Variants in CSTPP1 observed in about 807,000 individuals in gnomAD.
CSTPP1 encodes UPF0705 protein C11orf49.
chr11:47,134,309 T>C, the CSTPP1 span, among the ~76,000 whole-genome samples: 2 of 152,160 alleles, frequency 1.3e-5, no homozygotes, highest in African/African-American at 4.8e-5. Context: ...GAGATTCTCC[T>C]GCCCCCCAAG....
chr11:46,998,327 C>CT, the CSTPP1 span, among the ~76,000 whole-genome samples: 3 of 152,262 alleles, frequency 2.0e-5, no homozygotes, highest in East Asian at 5.8e-4. Flanking sequence ...AACAGTAAGG[C>CT]TGACTGTAGG....
the CSTPP1 span, among the ~76,000 whole-genome samples, chr11:47,095,978 C>G: frequency 6.6e-6 from 1 of 152,108 alleles, no homozygotes; most frequent in East Asian, 1.9e-4. Context: ...TACCCTATCT[C>G]CTGTTACAGA....
chr11:47,111,363 G>C, the CSTPP1 span, among the ~76,000 whole-genome samples: 1 of 152,142 alleles, frequency 6.6e-6, no homozygotes, highest in Non-Finnish European at 1.5e-5. Flanking sequence ...TCCCCGCTAC[G>C]AGTGCATTCA....
chr11:47,152,337 GC>G, the CSTPP1 span, among the ~76,000 whole-genome samples: 45 of 152,172 alleles, frequency 3.0e-4, no homozygotes, highest in Middle Eastern at 3.4e-3. Context: ...CACGGTGTGC[GC>G]CCCCTCTTCT....
the CSTPP1 span, among the ~76,000 whole-genome samples, chr11:47,063,831 G>A: frequency 6.6e-6 from 1 of 152,124 alleles, no homozygotes; most frequent in Non-Finnish European, 1.5e-5. Context: ...ATTACTTTGG[G>A]CACATAACTA....
the CSTPP1 span, among the ~76,000 whole-genome samples, chr11:47,119,602 CTTTTTTTTTTTTTT>C: frequency 3.2e-5 from 2 of 61,876 alleles, no homozygotes; most frequent in Non-Finnish European, 5.7e-5. Context: ...CTGCCCACTT[CTTTTTTTTTTTTTT>C]TTTTTTTTTT....
chr11:47,044,787 T>C, the CSTPP1 span, among the ~76,000 whole-genome samples: 14 of 152,064 alleles, frequency 9.2e-5, no homozygotes, highest in Admixed American at 2.0e-4. Flanking sequence ...TGTGCACCTG[T>C]AGTCCCAGCT....
the CSTPP1 span, chr11:47,130,897 T>C: frequency 6.6e-6 from 1 of 152,246 alleles, no homozygotes; most frequent in Non-Finnish European, 1.5e-5. Context: ...AGCTGAAAAT[T>C]GGAGAGTCCA....
At chr11:47,100,208 T>C in the CSTPP1 span, among the ~76,000 whole-genome samples, 1 of 152,216 alleles carries the variant, frequency 6.6e-6, no homozygotes, top group Admixed American at 6.5e-5. Context: ...TGAAGATTTT[T>C]TTTTGCCCTC....
chr11:47,103,581 A>G, the CSTPP1 span: 1 of 150,950 alleles, frequency 6.6e-6, no homozygotes, highest in Non-Finnish European at 1.5e-5. Context: ...CTCAGAATGG[A>G]TGGAATGATC....
the CSTPP1 span, among the ~76,000 whole-genome samples, chr11:47,115,125 A>G: frequency 6.6e-6 from 1 of 152,166 alleles, no homozygotes; most frequent in African/African-American, 2.4e-5. Context: ...TATATGATGG[A>G]TTACATTTAT....
At chr11:47,029,331 G>A in the CSTPP1 span, among the ~76,000 whole-genome samples, 63 of 152,226 alleles carry the variant, frequency 4.1e-4, no homozygotes, top group Middle Eastern at 6.8e-3. Context: ...TTTTGGCCAG[G>A]CATGGTGGCT....
the CSTPP1 span, among the ~76,000 whole-genome samples, chr11:47,110,183 C>G: frequency 6.6e-6 from 1 of 152,200 alleles, no homozygotes; most frequent in Non-Finnish European, 1.5e-5. Flanking sequence ...ACCACTGCCT[C>G]CACACATACA....
chr11:47,001,061 T>C, the CSTPP1 span, among the ~76,000 whole-genome samples: 1 of 152,210 alleles, frequency 6.6e-6, no homozygotes, highest in Non-Finnish European at 1.5e-5. Flanking sequence ...GAGATGACGA[T>C]TGAGAGCTCA....
At chr11:46,960,911 C>T in the CSTPP1 span, among the ~76,000 whole-genome samples, 39 of 152,154 alleles carry the variant, frequency 2.6e-4, 1 homozygote, top group South Asian at 8.1e-3. Flanking sequence ...GCACTTCATT[C>T]CTGTTGTGGC....
chr11:47,078,674 G>A, the CSTPP1 span, among the ~76,000 whole-genome samples: 1 of 152,142 alleles, frequency 6.6e-6, no homozygotes, highest in African/African-American at 2.4e-5. Context: ...GCAGATAAGT[G>A]AAAATGCAGA....
At chr11:47,052,314 G>C in the CSTPP1 span, 1 of 1,528,988 alleles carries the variant, frequency 6.5e-7, no homozygotes, top group South Asian at 1.3e-5. Context: ...GTTCTCTCTG[G>C]TCTCAATTTT....
the CSTPP1 span, among the ~76,000 whole-genome samples, chr11:47,087,372 T>G: frequency 6.6e-6 from 1 of 152,214 alleles, no homozygotes; most frequent in East Asian, 1.9e-4. Context: ...CTCATTTGCA[T>G]GGAGATAATA....
the CSTPP1 span, among the ~76,000 whole-genome samples, chr11:47,088,995 T>C: frequency 2.6e-4 from 39 of 152,342 alleles, 1 homozygote; most frequent in South Asian, 8.1e-3. Context: ...ATTGATCATC[T>C]GAGAACTCAT....
Sources: gnomAD v4.1 joint callset for allele counts (sites outside exome capture counted in the v4.1 genomes callset) on GRCh38, gnomAD v4.1.1 for gene constraint, MANE v1.5 for transcripts, NCBI Gene and HGNC (gene_info 2026-07-23, HGNC 2026-07-21) for gene names.